Variants in FHOD3 observed in about 807,000 individuals in gnomAD.
FHOD3 encodes FH1/FH2 domain-containing protein 3.
In FHOD3, 90 loss-of-function variants were observed where a neutral mutation model predicts 173.0. The ratio of observed to expected loss-of-function variants is 0.52; its 90% CI spans 0.44 to 0.62. The LOEUF (loss-of-function observed/expected upper bound fraction) is 0.62. FHOD3 is among the 20% of genes least tolerant of loss of function. The pLI is 0.00. For missense variants in FHOD3, 1,945 were observed against 2,034.7 expected (o/e 0.96, Z 0.85); for synonymous variants, 828 against 823.0 (o/e 1.01, Z -0.10).
At chr18:36,632,658 CTT>C (rs913153316) in intron 10 of FHOD3, among the ~76,000 whole-genome samples, 1 of 152,160 alleles carries the variant, frequency 6.6e-6, no homozygotes, top group African/African-American at 2.4e-5. Context: ...TGTGTGTCCT[CTT>C]TTTAACTGCA....
intron 3 of FHOD3, among the ~76,000 whole-genome samples, chr18:36,449,860 G>A (rs7243380): frequency 0.11 from 16,980 of 151,978 alleles, 2,603 homozygotes; most frequent in African/African-American, 0.33. Context: ...ATATATGATG[G>A]TAATGATGAT....
In FHOD3 at chr18:36,652,739, T is replaced by C; in HGVS notation, c.1456T>C (p.Ser486Pro). The C allele has an allele frequency of 1.3e-6, 2 of 1,535,836 alleles. No homozygotes were observed. The highest frequency in any genetic ancestry group is 1.7e-6 in the Non-Finnish European group (2 of 1,146,700). Reference sequence around the variant, plus strand: ...GTCCTCTGGGTCTGAGGCCACCCCATCTGCCCTCCTGTCACCCCCTGCCTC... The same window carrying C: ...GTCCTCTGGGTCTGAGGCCACCCCACCTGCCCTCCTGTCACCCCCTGCCTC... The part of the protein sequence containing the change: ...SGSSGSEATP[S>P]ALLSPPASAA... Residue 486 changes from serine (S) to proline (P), a missense_variant, in exon 12 of 29, where the codon TCT (serine) becomes CCT (proline). Ser to Pro is a moderately conservative substitution (Grantham distance 74, BLOSUM62 -1). Coordinates refer to ENST00000590592, the MANE Select transcript of FHOD3 (RefSeq NM_001281740.3).
intron 2 of FHOD3, among the ~76,000 whole-genome samples, chr18:36,365,793 G>C (rs1162419442): frequency 6.6e-6 from 1 of 152,138 alleles, no homozygotes; most frequent in African/African-American, 2.4e-5. Context: ...TGTGATGAGA[G>C]GACACTAGCT....
intron 23 of FHOD3, among the ~76,000 whole-genome samples, chr18:36,745,096 C>T (rs960721466): frequency 2.0e-5 from 3 of 152,038 alleles, no homozygotes; most frequent in African/African-American, 4.8e-5. Context: ...GGGTTGGCTG[C>T]TGAGGCCTGC....
intron 1 of FHOD3, among the ~76,000 whole-genome samples, chr18:36,343,766 T>C (rs745955829): frequency 6.6e-6 from 1 of 152,220 alleles, no homozygotes; most frequent in Non-Finnish European, 1.5e-5. Flanking sequence ...ATAACTCTTC[T>C]AAAATTATAA....
intron 10 of FHOD3, among the ~76,000 whole-genome samples, chr18:36,638,002 TA>T (rs914018688): frequency 2.6e-5 from 4 of 152,364 alleles, no homozygotes; most frequent in African/African-American, 7.2e-5. Flanking sequence ...ATGTTTTTTT[TA>T]AAATCTAGAT....
At chr18:36,386,368 A>G (rs1401219927) in intron 3 of FHOD3, among the ~76,000 whole-genome samples, 2 of 151,934 alleles carry the variant, frequency 1.3e-5, no homozygotes, top group Admixed American at 1.3e-4. Context: ...CTGACCGGGC[A>G]CTCCTCTTTA....
At chr18:36,613,421 G>A (rs2032894572) in intron 9 of FHOD3, among the ~76,000 whole-genome samples, 1 of 152,166 alleles carries the variant, frequency 6.6e-6, no homozygotes, top group African/African-American at 2.4e-5. Flanking sequence ...AACTATGAGA[G>A]TGTTGAAATG....
intron 9 of FHOD3, among the ~76,000 whole-genome samples, chr18:36,615,980 C>T (rs1050527230): frequency 2.6e-5 from 4 of 152,188 alleles, no homozygotes; most frequent in Non-Finnish European, 5.9e-5. Context: ...TCTTTGTGCG[C>T]TGCTCTGGGC....
Position 36,762,910 on chromosome 18 carries a change from C to T in FHOD3, c.4624+2128C>T, listed in dbSNP as rs542736208. ...TTTTATATAATATGTGTATTATACA[C>T]GTTATATATGTGTATTATATACATT... is the stretch of plus-strand genomic sequence containing the variant. On this transcript the variant is annotated intron_variant, in intron 27 of 28. Coordinates refer to ENST00000590592, the MANE Select transcript of FHOD3 (RefSeq NM_001281740.3). 4.8e-5 allele frequency among the ~76,000 whole-genome samples: 7 copies of T among 144,764 alleles called. No individual in the cohort carries two copies. The South Asian group carries it at 6.4e-4, about 13-fold the overall frequency. 95.0% of individuals were successfully genotyped at this position (144,764 alleles called of 152,430 possible).
chr18:36,430,532 A>C (rs565296856), intron 3 of FHOD3, among the ~76,000 whole-genome samples: 1 of 152,354 alleles, frequency 6.6e-6, no homozygotes, highest in South Asian at 2.1e-4. Context: ...AATTTTTAAA[A>C]TTTTAAAAAT....
At chr18:36,523,334 G>A (rs1310278239) in intron 5 of FHOD3, among the ~76,000 whole-genome samples, 2 of 152,210 alleles carry the variant, frequency 1.3e-5, no homozygotes, top group African/African-American at 4.8e-5. Flanking sequence ...GCAACGAGCA[G>A]GAGTTAAAAG....
chr18:36,568,852 G>C (rs1305343240), intron 5 of FHOD3, among the ~76,000 whole-genome samples: 1 of 152,080 alleles, frequency 6.6e-6, no homozygotes, highest in Non-Finnish European at 1.5e-5. Flanking sequence ...ATCCCAACTT[G>C]CATGGGAAAA....
chr18:36,365,698 C>CA (rs1028881620), intron 2 of FHOD3, among the ~76,000 whole-genome samples: 37 of 151,986 alleles, frequency 2.4e-4, no homozygotes, highest in Non-Finnish European at 1.2e-4. Context: ...TTAAAGCTTA[C>CA]AAAAAACGTG....
At chr18:36,683,942 C>T (rs1157481534) in intron 15 of FHOD3, among the ~76,000 whole-genome samples, 4 of 152,202 alleles carry the variant, frequency 2.6e-5, no homozygotes, top group African/African-American at 9.7e-5. Flanking sequence ...AAAGCCCAAG[C>T]CTTCTGGCTG....
chr18:36,766,784 G>A (rs2043157139), intron 27 of FHOD3, among the ~76,000 whole-genome samples: 1 of 152,232 alleles, frequency 6.6e-6, no homozygotes, highest in Non-Finnish European at 1.5e-5. Flanking sequence ...AGATGGAAAA[G>A]TATAGGTAAT....
rs368181150 is a variant in FHOD3 at position 36,297,815 on chromosome 18, C to T, written c.-21C>T. 1.6e-4 allele frequency: 239 copies of T among 1,495,562 alleles called. 1 individual carries two copies. The highest frequency in any genetic ancestry group is 2.0e-4 in the Non-Finnish European group (222 of 1,121,060). 92.6% of individuals were successfully genotyped at this position (1,495,562 alleles called of 1,614,324 possible). ...GGCCCCGCTAACCCCGGGGCCCGCG[C>T]CCCCGCGGCAGGGATGCATCATGGC... On this transcript the variant is annotated 5_prime_UTR_variant, in exon 1 of 29. Coordinates refer to ENST00000590592, the MANE Select transcript of FHOD3 (RefSeq NM_001281740.3).
intron 2 of FHOD3, among the ~76,000 whole-genome samples, chr18:36,359,048 G>A (rs892849702): frequency 1.3e-5 from 2 of 152,184 alleles, no homozygotes; most frequent in African/African-American, 4.8e-5. Flanking sequence ...CCATGAGTGG[G>A]AGTTAAAATA....
intron 1 of FHOD3, among the ~76,000 whole-genome samples, chr18:36,318,830 G>A (rs2044257954): frequency 6.6e-6 from 1 of 152,110 alleles, no homozygotes; most frequent in Non-Finnish European, 1.5e-5. Flanking sequence ...TCTAGTTTTT[G>A]CCCATTCAGG....
Sources: allele counts gnomAD v4.1 joint callset (sites outside exome capture counted in the v4.1 genomes callset), GRCh38; gene constraint gnomAD v4.1.1; transcripts MANE v1.5; gene names NCBI Gene and HGNC (gene_info 2026-07-23, HGNC 2026-07-21).